PYGB: variants seen among roughly 807,000 people sequenced by gnomAD.
The protein encoded by PYGB is glycogen phosphorylase B.
In PYGB, 82 loss-of-function variants were observed where a neutral mutation model predicts 94.3. That is an observed-to-expected ratio of 0.87 (90% CI 0.73 to 1.04). PYGB has a LOEUF of 1.04. Ranked by LOEUF, PYGB falls within the 50% of genes least tolerant of loss-of-function variation. The probability of loss-of-function intolerance (pLI) is 0.00; values close to 1 mark genes in which losing one functional copy is unlikely to be tolerated. For missense variants in PYGB, 1,132 were observed against 1,158.2 expected (o/e 0.98, Z 0.33); for synonymous variants, 488 against 479.1 (o/e 1.02, Z -0.24).
At position 25,259,241 on chromosome 20, in the gene PYGB, T is replaced by C; in HGVS notation, c.248T>C (p.Ile83Thr). The stretch of plus-strand genomic sequence containing the variant: ...TTCTTTCTTCTGCTTCCTCAGCGCA[T>C]TTATTATCTTTCCCTGGAATTCTAC... ...QHYYERDPKR[I>T]YYLSLEFYMG... The change falls in exon 2 of 20, where the codon ATT becomes ACT. Residue 83 changes from isoleucine to threonine, a missense_variant. Coordinates refer to ENST00000216962, the MANE Select transcript of PYGB (RefSeq NM_002862.4). 6.3e-7 allele frequency: 1 copy of C among 1,594,120 alleles called. No individual in the cohort carries two copies. The highest frequency in any genetic ancestry group is 8.6e-7 in the Non-Finnish European group (1 of 1,161,838).
intron 1 of PYGB, among the ~76,000 whole-genome samples, chr20:25,257,867 AG>A (rs971661583): frequency 6.6e-6 from 1 of 152,150 alleles, no homozygotes; most frequent in African/African-American, 2.4e-5. Flanking sequence ...CCTCTGCCAG[AG>A]GGGGGAGGCA....
chr20:25,248,544 C>T (rs1223776211), intron 1 of PYGB, 123 bp downstream of exon 1: 5 of 1,188,748 alleles, frequency 4.2e-6, no homozygotes, highest in Non-Finnish European at 5.3e-6. Context: ...AGCCGGCCGG[C>T]GGCCAGGCAC....
chr20:25,293,548 T>C (rs1301683095), intron 17 of PYGB, among the ~76,000 whole-genome samples: 1 of 152,166 alleles, frequency 6.6e-6, no homozygotes, highest in Non-Finnish European at 1.5e-5. Context: ...TAGGGTCAGG[T>C]GAAACCACAC....
chr20:25,281,256 T>G, intron 11 of PYGB, 144 bp downstream of exon 11: 2 of 1,155,962 alleles, frequency 1.7e-6, no homozygotes, highest in South Asian at 1.6e-5. Context: ...ATGACAGAGC[T>G]GCCCAGAACA....
chr20:25,269,616 C>A (rs933141963), intron 3 of PYGB, among the ~76,000 whole-genome samples: 1 of 152,186 alleles, frequency 6.6e-6, no homozygotes, highest in Non-Finnish European at 1.5e-5. Flanking sequence ...AATAACAGGG[C>A]TTTGAGGGTC....
At chr20:25,294,343 G>GGGTC (rs1568701048) in intron 18 of PYGB, 51 bp downstream of exon 18, 1 of 1,503,518 alleles carries the variant, frequency 6.7e-7, no homozygotes, top group Non-Finnish European at 9.2e-7. Flanking sequence ...AGGGAGGGAG[G>GGGTC]GGTCCTCTTC....
intron 17 of PYGB, among the ~76,000 whole-genome samples, chr20:25,293,575 G>C (rs890936344): frequency 2.0e-5 from 3 of 152,216 alleles, no homozygotes; most frequent in Non-Finnish European, 4.4e-5. Context: ...TCTGAAGTCA[G>C]AGCTGTGCCT....
intron 10 of PYGB, 145 bp downstream of exon 10, chr20:25,280,557 C>A: frequency 8.5e-7 from 1 of 1,178,026 alleles, no homozygotes. Flanking sequence ...GGGGCTGTCC[C>A]TTGGCAGAGC....
chr20:25,269,405 G>A (rs188628843), intron 3 of PYGB, among the ~76,000 whole-genome samples, 198 bp downstream of exon 3: 22 of 152,330 alleles, frequency 1.4e-4, no homozygotes, highest in Admixed American at 1.1e-3. Flanking sequence ...CACAAGGGAC[G>A]TGTCATCATT....
Position 25,251,691 on chromosome 20 carries a change from G to T in PYGB, c.243+3270G>T, listed in dbSNP as rs117697160. Among the ~76,000 whole-genome samples the T allele has an allele frequency of 1.8e-3, 272 of 152,316 alleles. 1 individual carries two copies. The highest frequency in any genetic ancestry group is 3.6e-3 in the Admixed American group (55 of 15,308). On this transcript the variant is annotated intron_variant, in intron 1 of 19. Transcript: ENST00000216962. ...AACATCCTGAAAGGACAGTTGCACG[G>T]TTTATTCTGTGGGCCTTTGTGAAGC...
At chr20:25,255,858 C>T (rs1185059934) in intron 1 of PYGB, among the ~76,000 whole-genome samples, 1 of 152,008 alleles carries the variant, frequency 6.6e-6, no homozygotes, top group Non-Finnish European at 1.5e-5. Context: ...CTCAGCCTTC[C>T]GAATAGGTGG....
chr20:25,268,841 G>A (rs1184937476), intron 2 of PYGB, among the ~76,000 whole-genome samples: 2 of 152,238 alleles, frequency 1.3e-5, no homozygotes, highest in African/African-American at 4.8e-5. Flanking sequence ...TATCGCCCAT[G>A]TGAAATTAGA....
intron 15 of PYGB, 24 bp downstream of exon 15, chr20:25,288,507 T>C (rs202065905): frequency 1.6e-4 from 262 of 1,611,676 alleles, no homozygotes; most frequent in Admixed American, 5.5e-4. Flanking sequence ...TCTGCAGTCC[T>C]CTCTGTGGTG....
At chr20:25,254,043 G>A (rs1054961727) in intron 1 of PYGB, among the ~76,000 whole-genome samples, 1 of 148,662 alleles carries the variant, frequency 6.7e-6, no homozygotes, top group Admixed American at 6.7e-5. Flanking sequence ...CTGCATTCCA[G>A]CCTGGGCAAC....
intron 3 of PYGB, among the ~76,000 whole-genome samples, chr20:25,270,201 G>GTTTTTTTTTT (rs11475085): frequency 3.1e-5 from 4 of 129,900 alleles, no homozygotes; most frequent in Admixed American, 7.4e-5. Context: ...TTTTTGTTTT[G>GTTTTTTTTTT]TTTTGTTTTT....
chr20:25,289,781 T>C, intron 15 of PYGB: 1 of 530,540 alleles, frequency 1.9e-6, no homozygotes, highest in Non-Finnish European at 3.9e-6. Context: ...AGCTCTTCAC[T>C]CTTACATACG....
intron 5 of PYGB, among the ~76,000 whole-genome samples, chr20:25,276,280 C>T (rs546715373): frequency 3.3e-5 from 5 of 151,934 alleles, no homozygotes; most frequent in East Asian, 1.9e-4. Flanking sequence ...GGAGGGGAGG[C>T]GCGGAGGGCA....
chr20:25,266,239 T>C (rs945942822), intron 2 of PYGB, among the ~76,000 whole-genome samples: 1 of 140,326 alleles, frequency 7.1e-6, no homozygotes, highest in African/African-American at 2.8e-5. Context: ...TTTGGTGTCA[T>C]ATAGATCAAT....
At chr20:25,280,529 A>G in intron 10 of PYGB, 117 bp downstream of exon 10, 1 of 1,385,366 alleles carries the variant, frequency 7.2e-7, no homozygotes. Flanking sequence ...TCTGTTCAGC[A>G]GAGGATGCTT....
Sources: gnomAD v4.1 joint callset for allele counts (sites outside exome capture counted in the v4.1 genomes callset) on GRCh38, gnomAD v4.1.1 for gene constraint, MANE v1.5 for transcripts, NCBI Gene and HGNC (gene_info 2026-07-23, HGNC 2026-07-21) for gene names.